Variants in EXOC4 observed in about 807,000 individuals in gnomAD.
EXOC4 encodes the protein SEC8-like 1.
EXOC4 carries 71 observed loss-of-function variants against 107.2 expected under a neutral mutation model. The observed-to-expected ratio is 0.66, with a 90% CI of 0.55 to 0.81. EXOC4 has a LOEUF of 0.81. EXOC4 is among the 30% of genes least tolerant of loss of function. The pLI, the probability that EXOC4 is intolerant of heterozygous loss-of-function variation, is 0.00. For synonymous variants in EXOC4, 456 were observed against 441.2 expected (o/e 1.03, Z -0.42); for missense variants, 1,108 against 1,189.6 (o/e 0.93, Z 1.01).
At chr7:133,329,668 A>G (rs1795333566) in intron 5 of EXOC4, among the ~76,000 whole-genome samples, 1 of 152,126 alleles carries the variant, frequency 6.6e-6, no homozygotes, top group South Asian at 2.1e-4. Context: ...TTTTCCTTCT[A>G]ACAGTCAGGA....
chr7:133,791,734 A>C (rs927597730), intron 10 of EXOC4, among the ~76,000 whole-genome samples: 4 of 152,214 alleles, frequency 2.6e-5, no homozygotes, highest in South Asian at 2.1e-4. Flanking sequence ...CGGTGATGGC[A>C]AAACCAGGAT....
intron 7 of EXOC4, among the ~76,000 whole-genome samples, chr7:133,437,965 CT>C (rs1335167704): frequency 1.3e-5 from 2 of 152,146 alleles, no homozygotes; most frequent in Non-Finnish European, 2.9e-5. Flanking sequence ...CTTTGTCCCG[CT>C]TTTTGGTAAT....
intron 10 of EXOC4, among the ~76,000 whole-genome samples, chr7:133,760,480 C>T (rs1472031563): frequency 2.0e-5 from 3 of 152,080 alleles, no homozygotes; most frequent in African/African-American, 7.2e-5. Flanking sequence ...CAACTTTTCC[C>T]CTTTGAATCT....
At chr7:133,642,911 ATTATCTGAAAGACATT>A (rs1802894182) in intron 10 of EXOC4, among the ~76,000 whole-genome samples, 1 of 152,110 alleles carries the variant, frequency 6.6e-6, no homozygotes, top group East Asian at 1.9e-4. Context: ...GACCTCCTTC[ATTATCTGAAAGACATT>A]TTATCCTTCA....
intron 11 of EXOC4, among the ~76,000 whole-genome samples, chr7:133,855,116 T>TATATATATATAAATATATATATATATAA (rs1563028538): frequency 3.6e-4 from 29 of 79,594 alleles, no homozygotes; most frequent in Non-Finnish European, 6.1e-4. Context: ...TATATATAAA[T>TATATATATATAAATATATATATATATAA]ATATATATAT....
the EXOC4 span, among the ~76,000 whole-genome samples, chr7:134,080,561 G>T: frequency 5.8e-3 from 877 of 152,162 alleles, 15 homozygotes; most frequent in African/African-American, 0.02. Flanking sequence ...AGGAAGACTA[G>T]TCAGTGATCA....
At chr7:134,064,175 CT>C (rs1796132642) in intron 17 of EXOC4, 115 bp from the exon 18 acceptor site, 2 of 602,642 alleles carry the variant, frequency 3.3e-6, no homozygotes, top group East Asian at 6.1e-5. Context: ...ACACTGCCTG[CT>C]GATCAATCGT....
intron 11 of EXOC4, among the ~76,000 whole-genome samples, chr7:133,855,104 A>AAAT (rs1798334442): frequency 6.5e-5 from 4 of 61,908 alleles, no homozygotes; most frequent in African/African-American, 2.5e-4. Context: ...TATATATATA[A>AAAT]ATATATATAA....
the EXOC4 span, among the ~76,000 whole-genome samples, chr7:134,092,340 A>G: frequency 6.6e-6 from 1 of 152,186 alleles, no homozygotes; most frequent in Non-Finnish European, 1.5e-5. Context: ...TGAGATGCAC[A>G]CAGAAACCAG....
intron 14 of EXOC4, among the ~76,000 whole-genome samples, chr7:133,951,646 A>G (rs1179496716): frequency 6.6e-6 from 1 of 152,100 alleles, no homozygotes; most frequent in East Asian, 1.9e-4. Flanking sequence ...CTTTAACTTC[A>G]TCTCAAAAGA....
chr7:133,333,066 G>A (rs796452184), intron 5 of EXOC4, among the ~76,000 whole-genome samples: 10 of 152,186 alleles, frequency 6.6e-5, no homozygotes, highest in African/African-American at 2.2e-4. Context: ...ATTATCAGGC[G>A]TTGGCCAAAT....
intron 10 of EXOC4, among the ~76,000 whole-genome samples, chr7:133,769,215 A>G (rs759049860): frequency 6.6e-6 from 1 of 152,026 alleles, no homozygotes; most frequent in Non-Finnish European, 1.5e-5. Context: ...CTGTGTAACA[A>G]ACCCACACAT....
At chr7:133,894,680 A>G (rs1262477127) in intron 11 of EXOC4, among the ~76,000 whole-genome samples, 1 of 83,044 alleles carries the variant, frequency 1.2e-5, no homozygotes, top group Non-Finnish European at 2.1e-5. Flanking sequence ...CTGTTGGAAT[A>G]CCCTGCCGTG....
chr7:133,260,358 C>CT (rs1381557401), intron 1 of EXOC4, among the ~76,000 whole-genome samples: 1 of 151,814 alleles, frequency 6.6e-6, no homozygotes, highest in African/African-American at 2.4e-5. Context: ...ACTGCAACCT[C>CT]TGACTCCCGG....
intron 9 of EXOC4, among the ~76,000 whole-genome samples, chr7:133,543,504 C>G (rs1273835809): frequency 1.3e-5 from 2 of 152,078 alleles, no homozygotes; most frequent in East Asian, 3.9e-4. Flanking sequence ...CTTGAACAGC[C>G]TCATCCATCC....
chr7:133,950,939 A>C (rs570552487), intron 14 of EXOC4, among the ~76,000 whole-genome samples: 1 of 152,324 alleles, frequency 6.6e-6, no homozygotes, highest in East Asian at 1.9e-4. Flanking sequence ...GTTCAAGCCA[A>C]CAGCCTTTTA....
chr7:133,499,229 T>C (rs1799533370), intron 9 of EXOC4, among the ~76,000 whole-genome samples: 1 of 151,838 alleles, frequency 6.6e-6, no homozygotes, highest in Admixed American at 6.5e-5. Flanking sequence ...TTGTTTAAAA[T>C]GTGTGTTTAT....
chr7:134,007,920 G>T (rs935565030), intron 17 of EXOC4, 85 bp downstream of exon 17: 53 of 1,266,710 alleles, frequency 4.2e-5, no homozygotes, highest in Non-Finnish European at 5.3e-5. Context: ...TAGACTCTTG[G>T]TGCAGAAAAA....
At chr7:133,434,690 A>G (rs1797928409) in intron 7 of EXOC4, among the ~76,000 whole-genome samples, 1 of 152,170 alleles carries the variant, frequency 6.6e-6, no homozygotes, top group Non-Finnish European at 1.5e-5. Context: ...TGCTTCAAAG[A>G]TACTTTGAGC....
Sources: gnomAD v4.1 joint callset for allele counts (sites outside exome capture counted in the v4.1 genomes callset) on GRCh38, gnomAD v4.1.1 for gene constraint, MANE v1.5 for transcripts, NCBI Gene and HGNC (gene_info 2026-07-23, HGNC 2026-07-21) for gene names.